Variants in MAST4 observed in about 807,000 individuals in gnomAD.
The protein encoded by MAST4 is microtubule associated serine/threonine kinase family member 4, also known as microtubule-associated serine/threonine-protein kinase 4.
MAST4 carries 89 observed loss-of-function variants against 162.7 expected under a neutral mutation model. The ratio of observed to expected loss-of-function variants is 0.55; its 90% CI spans 0.46 to 0.65. The LOEUF is 0.65. Among genes scored for constraint, MAST4 ranks in the 30% least tolerant of loss-of-function variants. The pLI, the probability that MAST4 is intolerant of heterozygous loss-of-function variation, is 0.00. For synonymous variants in MAST4, 1,479 were observed against 1,361.1 expected, an observed-to-expected ratio of 1.09 and a Z score of -1.91; for missense variants, 3,153 against 3,374.0, an observed-to-expected ratio of 0.93 and a Z score of 1.62.
intron 4 of MAST4, among the ~76,000 whole-genome samples, chr5:66,940,854 A>T (rs564177120): frequency 6.6e-6 from 1 of 152,270 alleles, no homozygotes; most frequent in South Asian, 2.1e-4. Context: ...AATATTTCTT[A>T]AATAACCCAA....
At chr5:66,862,932 A>T (rs1045775930) in intron 3 of MAST4, among the ~76,000 whole-genome samples, 2 of 152,186 alleles carry the variant, frequency 1.3e-5, no homozygotes, top group African/African-American at 4.8e-5. Context: ...TCCCTCAGAG[A>T]ACTCCCTTCT....
At chr5:66,706,885 C>A (rs1750167073) in intron 1 of MAST4, among the ~76,000 whole-genome samples, 1 of 152,164 alleles carries the variant, frequency 6.6e-6, no homozygotes, top group Admixed American at 6.5e-5. Flanking sequence ...ATAATAATTT[C>A]TTCATACTCT....
At chr5:67,004,679 C>G (rs1384662212) in intron 4 of MAST4, 4 of 249,314 alleles carry the variant, frequency 1.6e-5, no homozygotes, top group Non-Finnish European at 2.4e-5. Context: ...GCAGAACGCA[C>G]GGCTCAACTC....
At chr5:66,940,981 G>A (rs915778771) in intron 4 of MAST4, among the ~76,000 whole-genome samples, 1 of 152,126 alleles carries the variant, frequency 6.6e-6, no homozygotes, top group African/African-American at 2.4e-5. Flanking sequence ...GGGTGACAAG[G>A]TATGTTGCCA....
intron 1 of MAST4, among the ~76,000 whole-genome samples, chr5:66,610,363 C>G (rs1743211431): frequency 1.3e-5 from 2 of 152,202 alleles, no homozygotes; most frequent in South Asian, 4.1e-4. Context: ...GATTCAGTTT[C>G]TAGATCAGCC....
Position 66,837,902 on chromosome 5 carries a change from T to A in MAST4, c.642+49108T>A, listed in dbSNP as rs1338192965. 4.5e-3 allele frequency among the ~76,000 whole-genome samples: 210 copies of A among 46,374 alleles called. 1 individual carries two copies. The highest frequency in any genetic ancestry group is 0.014 in the Middle Eastern group (1 of 74). 30.4% of individuals were successfully genotyped at this position (46,374 alleles called of 152,430 possible). ...TATATATATATATATATATTTTTTTTTTTTTTTTTTTTTTTAATGTGGAGG... is the reference window on the plus strand; with the variant it reads ...TATATATATATATATATATTTTTTTATTTTTTTTTTTTTTTAATGTGGAGG... On this transcript the variant is annotated intron_variant, in intron 3 of 28. Coordinates refer to ENST00000403625, the MANE Select transcript of MAST4 (RefSeq NM_001164664.2).
chr5:66,667,427 T>A (rs1468113325), intron 1 of MAST4, among the ~76,000 whole-genome samples: 1 of 152,234 alleles, frequency 6.6e-6, no homozygotes, highest in East Asian at 1.9e-4. Context: ...TGTCTTGTTT[T>A]TCTTTTTCAT....
Position 67,163,569 on chromosome 5 carries a change from C to A in MAST4, c.4390C>A (p.Arg1464Ser), listed in dbSNP as rs775862274. 6.3e-7 allele frequency: 1 copy of A among 1,594,454 alleles called. No individual in the cohort carries two copies. Among genetic ancestry groups the A allele is most frequent in the Non-Finnish European group, 8.5e-7 (1 of 1,171,140 alleles). Residue 1464 changes from arginine to serine, a missense_variant, in exon 29 of 29, where the codon CGC becomes AGC. Around this residue, in one of 7 missense-constraint regions of MAST4, gnomAD observed 619 missense variants for 744.2 expected, o/e 0.83. Transcript: ENST00000403625. This position sits in a 1 kb window ranked among gnomAD's most constrained non-coding sequence, Gnocchi z 7.0. ...YGSDKKHLCS[R>S]KHSLEVTQEE... is the part of the protein sequence containing the mutation. The stretch of plus-strand genomic sequence containing the variant: ...CAGTGACAAGAAGCACCTGTGCTCC[C>A]GCAAGCACAGCCTGGAGGTGACCCA...
chr5:66,837,461 A>G (rs746179522), intron 3 of MAST4, among the ~76,000 whole-genome samples: 1 of 152,070 alleles, frequency 6.6e-6, no homozygotes, highest in Non-Finnish European at 1.5e-5. Flanking sequence ...ATTGTCTAAG[A>G]AAAGCCTTTA....
intron 4 of MAST4, among the ~76,000 whole-genome samples, chr5:66,941,869 A>G (rs368710039): frequency 4.6e-5 from 7 of 152,252 alleles, no homozygotes; most frequent in African/African-American, 1.7e-4. Context: ...GTCTCAGGAA[A>G]CAGAAAGGCC....
intron 1 of MAST4, among the ~76,000 whole-genome samples, chr5:66,730,131 C>A (rs1236145930): frequency 6.6e-6 from 1 of 152,144 alleles, no homozygotes; most frequent in Non-Finnish European, 1.5e-5. Flanking sequence ...ATAAATAAAT[C>A]AAATCCCCTG....
At chr5:66,685,245 AGAGT>A (rs1278301963) in intron 1 of MAST4, among the ~76,000 whole-genome samples, 3 of 149,678 alleles carry the variant, frequency 2.0e-5, no homozygotes, top group Non-Finnish European at 4.5e-5. Flanking sequence ...CCTGGGTGAC[AGAGT>A]GAGACCTTGT....
intron 1 of MAST4, among the ~76,000 whole-genome samples, chr5:66,686,501 G>A (rs10057708): frequency 0.32 from 47,971 of 151,990 alleles, 8,000 homozygotes; most frequent in Admixed American, 0.47. Context: ...AATAAGACTT[G>A]AAGAATTGTT....
intron 4 of MAST4, among the ~76,000 whole-genome samples, chr5:66,974,214 A>G (rs983414966): frequency 6.6e-6 from 1 of 152,122 alleles, no homozygotes; most frequent in Non-Finnish European, 1.5e-5. Flanking sequence ...TTATTTGTTT[A>G]TTTATCCTAC....
At chr5:66,885,661 A>T (rs1339500118) in intron 3 of MAST4, among the ~76,000 whole-genome samples, 1 of 152,214 alleles carries the variant, frequency 6.6e-6, no homozygotes, top group Non-Finnish European at 1.5e-5. Context: ...TTAAAGTAGC[A>T]GAGTTCATTT....
In MAST4 at chr5:67,134,709, T is replaced by C. The variant is rs995004464; in HGVS notation, c.2392+21T>C. The C allele has an allele frequency of 2.5e-6, 4 of 1,593,844 alleles. No homozygotes were observed. The African/African-American group carries it at 5.4e-5, about 21-fold the overall frequency. Reference sequence around the variant, plus strand: ...CAGTGGTAAATATCATCAGGAGTTATCTTTAGGTCACTGTTGGGAAGCAGC... The same window carrying C: ...CAGTGGTAAATATCATCAGGAGTTACCTTTAGGTCACTGTTGGGAAGCAGC... On this transcript the variant is annotated intron_variant, in intron 18 of 28. Transcript: ENST00000403625.
At chr5:66,769,743 CATT>C (rs1215034347) in intron 2 of MAST4, among the ~76,000 whole-genome samples, 2 of 152,172 alleles carry the variant, frequency 1.3e-5, no homozygotes, top group Non-Finnish European at 2.9e-5. Context: ...TTGACCAAGA[CATT>C]ATTATGCGGT....
At chr5:67,119,241 A>G (rs1444602128) in intron 13 of MAST4, among the ~76,000 whole-genome samples, 1 of 151,834 alleles carries the variant, frequency 6.6e-6, no homozygotes, top group African/African-American at 2.4e-5. Flanking sequence ...AGTCAGAGTT[A>G]TGGCTTGAAA....
intron 3 of MAST4, among the ~76,000 whole-genome samples, chr5:66,890,267 A>G (rs543117825): frequency 6.6e-6 from 1 of 152,306 alleles, no homozygotes; most frequent in East Asian, 1.9e-4. Flanking sequence ...TATTCATGTA[A>G]CTGTTGGCTA....
Sources: allele counts gnomAD v4.1 joint callset (sites outside exome capture counted in the v4.1 genomes callset), GRCh38; gene constraint gnomAD v4.1.1; regional missense constraint gnomAD v4.1.1; non-coding constraint Gnocchi (gnomAD v3.1); transcripts MANE v1.5; gene names NCBI Gene and HGNC (gene_info 2026-07-23, HGNC 2026-07-21).